The following TMEM132D variants were observed in gnomAD, a reference collection of about 807,000 sequenced individuals.
TMEM132D encodes transmembrane protein 132D.
In TMEM132D, 21 loss-of-function variants were observed where a neutral mutation model predicts 62.3. The ratio of observed to expected loss-of-function variants is 0.34; its 90% CI spans 0.24 to 0.49. TMEM132D has a LOEUF of 0.49. Ranked by LOEUF, TMEM132D falls within the 20% of genes least tolerant of loss-of-function variation. TMEM132D has a pLI of 0.99. For missense variants in TMEM132D, 1,346 were observed against 1,402.8 expected (o/e 0.96, Z 0.65); for synonymous variants, 621 against 575.6 (o/e 1.08, Z -1.13).
chr12:129,441,403 C>A (rs991720374), intron 3 of TMEM132D, among the ~76,000 whole-genome samples: 1 of 152,138 alleles, frequency 6.6e-6, no homozygotes, highest in Non-Finnish European at 1.5e-5. Context: ...TTGTGAATGG[C>A]GCATCTCTAG....
chr12:129,075,094 C>T (rs2135605925), intron 8 of TMEM132D, 35 bp from the exon 9 acceptor site: 2 of 1,555,392 alleles, frequency 1.3e-6, no homozygotes, highest in East Asian at 4.5e-5. Context: ...ATCAAATGGG[C>T]CAAAAAGCTC....
intron 1 of TMEM132D, among the ~76,000 whole-genome samples, chr12:129,881,825 A>G (rs1593197707): frequency 6.6e-6 from 1 of 152,028 alleles, no homozygotes; most frequent in African/African-American, 2.4e-5. Context: ...AGAAAAATCA[A>G]TGAAAATGAA....
rs796406401 is a variant in TMEM132D at position 129,400,748 on chromosome 12, G to C, written c.1116-62931C>G. On this transcript the variant is annotated intron_variant, in intron 3 of 8. Transcript: ENST00000422113. ...ACTTTCTTAAAGAAAAATTCTTGGG[G>C]AAAATATGTAATCTTTGTGCCAAGC... Among the ~76,000 whole-genome samples the C allele has an allele frequency of 2.6e-5, 4 of 152,228 alleles. No homozygotes were observed. In the South Asian group the frequency reaches 8.3e-4, roughly 32 times the overall value.
intron 5 of TMEM132D, among the ~76,000 whole-genome samples, chr12:129,160,185 T>C (rs1877361807): frequency 1.3e-5 from 2 of 152,246 alleles, no homozygotes; most frequent in African/African-American, 2.4e-5. Context: ...ATATGGACAC[T>C]TGTTTTGGCC....
rs1878205534 is a variant in TMEM132D, at chr12:129,185,803, CT to C, written c.1443+23716del. ...TCTATCTATCTATCTATCTATCTAT[CT>C]ATCTATCATCTATCTATCTGTTTTT... is the stretch of plus-strand genomic sequence containing the variant. On this transcript the variant is annotated intron_variant, in intron 5 of 8. Transcript: ENST00000422113. Among the ~76,000 whole-genome samples the C allele has an allele frequency of 3.0e-5, 4 of 134,974 alleles. No homozygotes were observed. The East Asian group carries it at 1.1e-3, about 38-fold the overall frequency. The allele number at this position is 134,974 out of a possible 152,430, so 88.5% of individuals were successfully genotyped here.
chr12:129,323,787 G>C (rs1474291095), intron 4 of TMEM132D, among the ~76,000 whole-genome samples: 1 of 152,182 alleles, frequency 6.6e-6, no homozygotes, highest in Non-Finnish European at 1.5e-5. Context: ...TTGAAGGCAG[G>C]AGTCATCTCT....
At chr12:129,446,090 G>A (rs1054693996) in intron 3 of TMEM132D, among the ~76,000 whole-genome samples, 1 of 152,146 alleles carries the variant, frequency 6.6e-6, no homozygotes, top group Non-Finnish European at 1.5e-5. Context: ...GAGGGCAAGT[G>A]CAAAAGACGG....
intron 5 of TMEM132D, among the ~76,000 whole-genome samples, chr12:129,106,444 A>G (rs114353136): frequency 0.01 from 1,546 of 152,224 alleles, 19 homozygotes; most frequent in African/African-American, 0.035. Context: ...TAAAAATAAA[A>G]ATAAATGCAA....
intron 2 of TMEM132D, among the ~76,000 whole-genome samples, chr12:129,673,141 C>G (rs1385427779): frequency 2.0e-5 from 3 of 152,226 alleles, no homozygotes; most frequent in Non-Finnish European, 4.4e-5. Context: ...CTCTCTCATG[C>G]TTTCCCTTTT....
chr12:129,605,602 T>TATATATATATATATATATATATATATAG (rs1565920066), intron 2 of TMEM132D, among the ~76,000 whole-genome samples: 1 of 59,220 alleles, frequency 1.7e-5, no homozygotes, highest in Non-Finnish European at 3.8e-5. Flanking sequence ...TATATATATA[T>TATATATATATATATATATATATATATAG]ATACACACAC....
intron 4 of TMEM132D, among the ~76,000 whole-genome samples, chr12:129,266,611 T>C (rs2135598238): frequency 7.6e-6 from 1 of 131,222 alleles, no homozygotes; most frequent in Non-Finnish European, 1.6e-5. Flanking sequence ...CTCCCTTCCC[T>C]TTCTCTCCTC....
chr12:129,281,739 G>T (rs1488217327), intron 4 of TMEM132D, among the ~76,000 whole-genome samples: 2 of 152,150 alleles, frequency 1.3e-5, no homozygotes, highest in Non-Finnish European at 2.9e-5. Context: ...GATGATAACA[G>T]CTCCCAGCTC....
intron 2 of TMEM132D, among the ~76,000 whole-genome samples, chr12:129,619,991 G>A (rs79982477): frequency 0.017 from 2,639 of 152,282 alleles, 72 homozygotes; most frequent in African/African-American, 0.059. Flanking sequence ...AAGCCACGCA[G>A]CCCAGGTCAG....
At position 129,775,642 on chromosome 12, in the gene TMEM132D, C is replaced by T. The variant is rs141364469; in HGVS notation, c.80-74944G>A. On this transcript the variant is annotated intron_variant, in intron 1 of 8. Coordinates refer to ENST00000422113, the MANE Select transcript of TMEM132D (RefSeq NM_133448.3). ...GAAGATAAATAAAAACAGAAAAATG[C>T]AGGAGAAAATCAAAGAGAAAAGGAT... is the stretch of plus-strand genomic sequence containing the variant. Among the ~76,000 whole-genome samples, 703 of 152,302 alleles carry T rather than the reference C, an allele frequency of 4.6e-3. 9 individuals carry two copies. The highest frequency in any genetic ancestry group is 0.016 in the African/African-American group (653 of 41,552).
At chr12:129,675,160 G>A (rs264501) in intron 2 of TMEM132D, among the ~76,000 whole-genome samples, 2 of 152,010 alleles carry the variant, frequency 1.3e-5, no homozygotes, top group Admixed American at 6.5e-5. Flanking sequence ...GGGATACAAA[G>A]CTTATTGAAA....
chr12:129,586,186 G>A (rs777478519), intron 2 of TMEM132D, among the ~76,000 whole-genome samples: 2 of 150,320 alleles, frequency 1.3e-5, no homozygotes, highest in African/African-American at 2.5e-5. Flanking sequence ...GGTTGGGGAC[G>A]TCCAGCTGAG....
chr12:129,808,600 G>C (rs896833409), intron 1 of TMEM132D, among the ~76,000 whole-genome samples: 1 of 152,194 alleles, frequency 6.6e-6, no homozygotes. Context: ...TAAAGCAACA[G>C]CTGATAAGAA....
intron 5 of TMEM132D, among the ~76,000 whole-genome samples, chr12:129,195,953 C>G (rs1446411069): frequency 6.6e-6 from 1 of 151,958 alleles, no homozygotes; most frequent in Non-Finnish European, 1.5e-5. Flanking sequence ...GTGGTGAAAC[C>G]CCATCTCTAC....
intron 3 of TMEM132D, among the ~76,000 whole-genome samples, chr12:129,496,761 G>T (rs1874970529): frequency 6.6e-6 from 1 of 152,032 alleles, no homozygotes; most frequent in Non-Finnish European, 1.5e-5. Flanking sequence ...ACTACCTATG[G>T]ACCGAACCAG....
Sources: allele counts gnomAD v4.1 joint callset (sites outside exome capture counted in the v4.1 genomes callset), GRCh38; gene constraint gnomAD v4.1.1; transcripts MANE v1.5; gene names NCBI Gene and HGNC (gene_info 2026-07-23, HGNC 2026-07-21).